Variants in FBXL13 observed in about 807,000 individuals in gnomAD.
FBXL13 encodes the protein F-box and leucine-rich repeat protein 13.
FBXL13 carries 67 observed loss-of-function variants against 83.6 expected under a neutral mutation model. The ratio of observed to expected loss-of-function variants is 0.80; its 90% CI spans 0.66 to 0.98. FBXL13 has a LOEUF of 0.98. Among genes scored for constraint, FBXL13 ranks in the 50% least tolerant of loss-of-function variants. The pLI is 0.00. For synonymous variants in FBXL13, 272 were observed against 299.5 expected, an observed-to-expected ratio of 0.91 and a Z score of 0.95; for missense variants, 822 against 866.5, an observed-to-expected ratio of 0.95 and a Z score of 0.64.
intron 10 of FBXL13, among the ~76,000 whole-genome samples, chr7:102,921,968 A>T (rs1240948704): frequency 1.3e-5 from 2 of 152,158 alleles, no homozygotes; most frequent in African/African-American, 4.8e-5. Context: ...AGGTGGGTGG[A>T]TCACTTGAGG....
At chr7:102,879,439 A>ATGTGTGTGTGTG (rs139051886) in intron 14 of FBXL13, among the ~76,000 whole-genome samples, 4,085 of 144,732 alleles carry the variant, frequency 0.028, 142 homozygotes, top group African/African-American at 0.083. Flanking sequence ...GCAGTTAAGG[A>ATGTGTGTGTGTG]TGTGTGTGTG....
intron 17 of FBXL13, among the ~76,000 whole-genome samples, chr7:102,834,081 GAAAGAA>G (rs1212904374): frequency 3.5e-5 from 3 of 84,920 alleles, no homozygotes; most frequent in African/African-American, 1.2e-4. Flanking sequence ...AGGAAGGAAG[GAAAGAA>G]AAGAAAGAAA....
chr7:103,057,983 C>T (rs1797498168), intron 1 of FBXL13, among the ~76,000 whole-genome samples: 1 of 152,114 alleles, frequency 6.6e-6, no homozygotes, highest in South Asian at 2.1e-4. Flanking sequence ...ATAATTCCAT[C>T]ACTTGAGTTA....
rs779839944 is a variant in FBXL13, at chr7:102,883,549, C to T, written c.1225+19G>A. ...AAAAGTAAACAATAATGCTGAACCACATTTTTAATATAACAGACCTTCAAA... is the reference window on the plus strand; with the variant it reads ...AAAAGTAAACAATAATGCTGAACCATATTTTTAATATAACAGACCTTCAAA... On this transcript the variant is annotated intron_variant, in intron 13 of 19. Coordinates refer to ENST00000313221, the Ensembl canonical transcript of FBXL13. 2.5e-6 allele frequency: 4 copies of T among 1,590,334 alleles called. No homozygotes were observed. The highest frequency in any genetic ancestry group is 3.4e-6 in the Non-Finnish European group (4 of 1,162,100).
At chr7:103,023,073 G>A (rs1424677277) in intron 6 of FBXL13, among the ~76,000 whole-genome samples, 1 of 152,016 alleles carries the variant, frequency 6.6e-6, no homozygotes, top group African/African-American at 2.4e-5. Flanking sequence ...TCAGGAGATC[G>A]AGACCATCCT....
At chr7:102,970,915 T>C (rs1230368279) in intron 6 of FBXL13, among the ~76,000 whole-genome samples, 2 of 151,996 alleles carry the variant, frequency 1.3e-5, no homozygotes, top group African/African-American at 4.8e-5. Context: ...AATAAAGAGA[T>C]GAAAAATATA....
At chr7:103,040,890 T>C (rs544287865) in intron 2 of FBXL13, among the ~76,000 whole-genome samples, 13 of 152,098 alleles carry the variant, frequency 8.5e-5, no homozygotes, top group African/African-American at 1.7e-4. Context: ...AGATCTAAAA[T>C]CGACACCCTA....
intron 17 of FBXL13, among the ~76,000 whole-genome samples, chr7:102,846,414 T>C (rs566752918): frequency 1.3e-5 from 2 of 152,240 alleles, no homozygotes; most frequent in African/African-American, 4.8e-5. Flanking sequence ...GGTCAGGGGT[T>C]CAAGACCAGC....
chr7:102,873,607 A>T (rs1165150968), intron 16 of FBXL13, among the ~76,000 whole-genome samples: 1 of 152,138 alleles, frequency 6.6e-6, no homozygotes, highest in African/African-American at 2.4e-5. Flanking sequence ...TCGGAATATA[A>T]ATCTGACCAT....
At chr7:102,983,479 G>A (rs564127844) in intron 6 of FBXL13, among the ~76,000 whole-genome samples, 8 of 149,090 alleles carry the variant, frequency 5.4e-5, no homozygotes, top group Non-Finnish European at 1.0e-4. Flanking sequence ...GAGTGCAGTG[G>A]TGTGATATCA....
In FBXL13 at chr7:103,060,017, ATT is replaced by A. The variant is rs1197437172; in HGVS notation, c.-104-4272_-104-4271del. On this transcript the variant is annotated intron_variant, in intron 1 of 19. Transcript: ENST00000313221. ...ATTCAACAGATAATGATAGCAAGAT[ATT>A]TTATATATATATATATATATATATA... is the stretch of plus-strand genomic sequence containing the variant. Among the ~76,000 whole-genome samples, 146 of 45,550 alleles carry A rather than the reference ATT, an allele frequency of 3.2e-3. 2 individuals carry two copies. The highest frequency in any genetic ancestry group is 3.4e-3 in the African/African-American group (51 of 15,212). 29.9% of individuals were successfully genotyped at this position (45,550 alleles called of 152,430 possible).
At chr7:102,817,108 C>T (rs868708325) in intron 19 of FBXL13, among the ~76,000 whole-genome samples, 4 of 152,072 alleles carry the variant, frequency 2.6e-5, no homozygotes, top group Admixed American at 6.6e-5. Context: ...ATTTCTTTTC[C>T]TTTGGGTAGA....
intron 6 of FBXL13, chr7:102,988,857 TCTTGTGTAGTTTTCTCTCA>T (rs1829272682): frequency 6.6e-6 from 1 of 152,262 alleles, no homozygotes; most frequent in South Asian, 2.1e-4. Flanking sequence ...ATTCACATTA[TCTTGTGTAGTTTTCTCTCA>T]CATTGCTACT....
intron 10 of FBXL13, among the ~76,000 whole-genome samples, chr7:102,925,427 T>G (rs1817935056): frequency 6.6e-6 from 1 of 152,068 alleles, no homozygotes; most frequent in Admixed American, 6.5e-5. Flanking sequence ...TTTTGATAAA[T>G]TTGAATATTC....
In FBXL13 at chr7:102,852,173, G is replaced by A. The variant is rs184620801; in HGVS notation, c.1719+2604C>T. Reference sequence around the variant, plus strand: ...GAATCTGACATGAGGAAGGGAGAGAGTAGACAGGGAAAAATGGGAAAATAA... The same window carrying A: ...GAATCTGACATGAGGAAGGGAGAGAATAGACAGGGAAAAATGGGAAAATAA... On this transcript the variant is annotated intron_variant, in intron 17 of 19. Transcript: ENST00000313221. Among the ~76,000 whole-genome samples, 1,073 of 152,260 alleles carry A rather than the reference G, an allele frequency of 7.0e-3. 8 individuals are homozygous for A. Among genetic ancestry groups the A allele is most frequent in the African/African-American group, 0.024 (1,011 of 41,550 alleles).
At chr7:103,024,785 CAA>C (rs1228061309) in intron 6 of FBXL13, among the ~76,000 whole-genome samples, 1 of 133,556 alleles carries the variant, frequency 7.5e-6, no homozygotes, top group African/African-American at 2.8e-5. Flanking sequence ...TGCAATACAT[CAA>C]GAGTAGGATT....
At chr7:102,941,041 A>G (rs1363099441) in intron 8 of FBXL13, among the ~76,000 whole-genome samples, 1 of 152,236 alleles carries the variant, frequency 6.6e-6, no homozygotes, top group Non-Finnish European at 1.5e-5. Flanking sequence ...TGGAGCCACA[A>G]GGGCATATTT....
chr7:102,933,485 A>G (rs1197527828), intron 8 of FBXL13: 1 of 153,362 alleles, frequency 6.5e-6, no homozygotes, highest in East Asian at 1.9e-4. Context: ...TCTTATGCGC[A>G]TGAGCCTATT....
chr7:102,952,231 C>T (rs117174699), intron 8 of FBXL13, among the ~76,000 whole-genome samples: 1 of 152,240 alleles, frequency 6.6e-6, no homozygotes, highest in East Asian at 1.9e-4. Context: ...ATGGTACAAA[C>T]TATCAGTTTT....
Sources: allele counts gnomAD v4.1 joint callset (sites outside exome capture counted in the v4.1 genomes callset), GRCh38; gene constraint gnomAD v4.1.1; transcripts MANE v1.5; gene names NCBI Gene and HGNC (gene_info 2026-07-23, HGNC 2026-07-21).